The following FAT3 variants were observed in gnomAD, a reference collection of about 807,000 sequenced individuals.
FAT3 encodes the protein protocadherin Fat 3.
In FAT3, 95 loss-of-function variants were observed where a neutral mutation model predicts 310.2. The observed-to-expected ratio is 0.31, with a 90% CI of 0.26 to 0.36. The LOEUF (loss-of-function observed/expected upper bound fraction) is 0.36. FAT3 is among the 10% of genes least tolerant of loss of function. The pLI is 1.00. For missense variants in FAT3, 5,408 were observed against 5,715.6 expected (o/e 0.95, Z 1.74); for synonymous variants, 2,314 against 2,192.9 (o/e 1.06, Z -1.54).
rs1949952655 is a variant in FAT3 at position 92,893,152 on chromosome 11, T to C, written c.*2039T>C. ...TTTTATGAGTCAGTGTTTCTGAATG[T>C]TTATGCAAAAAAAAAAATCCTTTTT... On this transcript the variant is annotated 3_prime_UTR_variant, in exon 28 of 28. Transcript: ENST00000525166. 1 of 148,918 alleles carries C rather than the reference T, an allele frequency of 6.7e-6. No homozygotes were observed. Among genetic ancestry groups the C allele is most frequent in the South Asian group, 2.1e-4 (1 of 4,670 alleles). 9.2% of individuals were successfully genotyped at this position (148,918 alleles called of 1,614,324 possible). A position where few individuals can be genotyped will look rare whatever the true frequency, so the allele number is the denominator to read the frequency against.
chr11:92,498,170 C>A, intron 2 of FAT3: 1 of 157,190 alleles, frequency 6.4e-6, no homozygotes, highest in South Asian at 1.7e-4. Flanking sequence ...GCTGGTGATC[C>A]ATATCCATCA....
At chr11:92,624,429 G>A (rs1460512835) in intron 3 of FAT3, among the ~76,000 whole-genome samples, 1 of 152,150 alleles carries the variant, frequency 6.6e-6, no homozygotes, top group African/African-American at 2.4e-5. Flanking sequence ...GGCATGTTTA[G>A]ACTAAGGACA....
intron 1 of FAT3, among the ~76,000 whole-genome samples, chr11:92,333,251 T>C (rs780004577): frequency 5.3e-5 from 8 of 152,194 alleles, no homozygotes; most frequent in Non-Finnish European, 8.8e-5. Context: ...TGTGGAATCA[T>C]GTTAATGGTA....
At chr11:92,686,861 T>A (rs1395567769) in intron 3 of FAT3, among the ~76,000 whole-genome samples, 1 of 152,198 alleles carries the variant, frequency 6.6e-6, no homozygotes, top group Non-Finnish European at 1.5e-5. Flanking sequence ...CCTGATTTTA[T>A]CTGTCAGATG....
chr11:92,377,889 G>A (rs1949388415), intron 2 of FAT3, among the ~76,000 whole-genome samples: 2 of 152,134 alleles, frequency 1.3e-5, no homozygotes, highest in Non-Finnish European at 2.9e-5. Flanking sequence ...CGTTTTCTGG[G>A]CATCAGCTTT....
At chr11:92,532,089 A>G (rs1954097682) in intron 3 of FAT3, among the ~76,000 whole-genome samples, 2 of 152,164 alleles carry the variant, frequency 1.3e-5, no homozygotes, top group African/African-American at 4.8e-5. Flanking sequence ...GCAAAATGAA[A>G]TGACTGACAA....
chr11:92,504,858 G>A (rs752583039), intron 2 of FAT3, among the ~76,000 whole-genome samples: 1 of 151,878 alleles, frequency 6.6e-6, no homozygotes, highest in Non-Finnish European at 1.5e-5. Context: ...ATAGAAAACT[G>A]CAGAATTGTG....
At chr11:92,400,073 G>C (rs1565286506) in intron 2 of FAT3, 1 of 152,160 alleles carries the variant, frequency 6.6e-6, no homozygotes, top group Non-Finnish European at 1.5e-5. Flanking sequence ...TGTCAGGAAG[G>C]GAAAATACAC....
intron 3 of FAT3, among the ~76,000 whole-genome samples, chr11:92,655,344 T>C (rs1392692371): frequency 1.3e-5 from 2 of 152,204 alleles, no homozygotes; most frequent in Non-Finnish European, 2.9e-5. Flanking sequence ...TTTTTGGCAT[T>C]GTGAGGACAA....
chr11:92,503,215 A>G (rs754753854), intron 2 of FAT3, among the ~76,000 whole-genome samples: 1 of 152,150 alleles, frequency 6.6e-6, no homozygotes, highest in Non-Finnish European at 1.5e-5. Flanking sequence ...GTGTCCATAG[A>G]TTTTGGAAAA....
chr11:92,831,691 C>T lies in FAT3; in HGVS notation c.9551C>T (p.Ser3184Phe). Residue 3184 changes from serine to phenylalanine, a missense_variant, in exon 14 of 28, where the codon TCT (serine) becomes TTT (phenylalanine). By Grantham distance (155) the Ser-to-Phe change is radical (BLOSUM62 -2). Around this residue, in one of 5 missense-constraint regions of FAT3, gnomAD observed 4,588 missense variants for 4,809.8 expected, o/e 0.95. Coordinates refer to ENST00000525166, the MANE Select transcript of FAT3 (RefSeq NM_001367949.2). ...GGGGTCTTCTCCATTGACAGCTCATCTGGCATCATCATCCTGGAGCAGCCA... is the reference window on the plus strand; with the variant it reads ...GGGGTCTTCTCCATTGACAGCTCATTTGGCATCATCATCCTGGAGCAGCCA... ...AGGVFSIDSS[S>F]GIIILEQPLD... is the part of the protein sequence containing the mutation. 1 of 1,613,584 alleles carries T rather than the reference C, an allele frequency of 6.2e-7. No individual in the cohort carries two copies. Among genetic ancestry groups the T allele is most frequent in the Non-Finnish European group, 8.5e-7 (1 of 1,179,782 alleles).
chr11:92,807,975 T>G (rs1473785637), intron 12 of FAT3, among the ~76,000 whole-genome samples: 1 of 152,118 alleles, frequency 6.6e-6, no homozygotes, highest in Non-Finnish European at 1.5e-5. Context: ...GACTATTGAG[T>G]CTCCAGAAAG....
At chr11:92,428,537 TC>T in intron 2 of FAT3, among the ~76,000 whole-genome samples, 1 of 152,352 alleles carries the variant, frequency 6.6e-6, no homozygotes, top group Non-Finnish European at 1.5e-5. Context: ...TAAATTTCCC[TC>T]TAAACACTGC....
chr11:92,795,907 C>CA lies in FAT3; in HGVS notation c.4823-1920dup, dbSNP rs543143724. 4.9e-3 allele frequency among the ~76,000 whole-genome samples: 730 copies of CA among 149,612 alleles called. 5 individuals carry two copies. Among genetic ancestry groups the CA allele is most frequent in the African/African-American group, 0.016 (650 of 40,754 alleles). ...TGGATGACAGAGCGAGACTCCATCTCAAAAAAAAACAAAAAATTATATTTG... is the reference window on the plus strand; with the variant it reads ...TGGATGACAGAGCGAGACTCCATCTCAAAAAAAAAACAAAAAATTATATTTG... On this transcript the variant is annotated intron_variant, in intron 9 of 27. Coordinates refer to ENST00000525166, the MANE Select transcript of FAT3 (RefSeq NM_001367949.2).
At chr11:92,387,432 G>A (rs1949650839) in intron 2 of FAT3, among the ~76,000 whole-genome samples, 1 of 152,056 alleles carries the variant, frequency 6.6e-6, no homozygotes, top group Admixed American at 6.6e-5. Flanking sequence ...AAAAGGTGGT[G>A]GGATAGACTG....
chr11:92,342,532 G>A (rs1948290444), intron 1 of FAT3, among the ~76,000 whole-genome samples: 1 of 152,176 alleles, frequency 6.6e-6, no homozygotes, highest in Non-Finnish European at 1.5e-5. Flanking sequence ...TGGCAGAGCA[G>A]TAAAAATCCA....
At chr11:92,276,924 T>C (rs1371781154) in intron 1 of FAT3, among the ~76,000 whole-genome samples, 1 of 152,158 alleles carries the variant, frequency 6.6e-6, no homozygotes, top group Non-Finnish European at 1.5e-5. Flanking sequence ...CCCATTTACG[T>C]TCCTTTCTGG....
At chr11:92,271,424 T>A (rs1270253416) in intron 1 of FAT3, among the ~76,000 whole-genome samples, 1 of 152,170 alleles carries the variant, frequency 6.6e-6, no homozygotes, top group Non-Finnish European at 1.5e-5. Context: ...CCACCTTAGC[T>A]AATGCTGTCC....
At chr11:92,558,319 C>T (rs1414666554) in intron 3 of FAT3, among the ~76,000 whole-genome samples, 1 of 151,900 alleles carries the variant, frequency 6.6e-6, no homozygotes, top group Non-Finnish European at 1.5e-5. Flanking sequence ...CTTAAACTAG[C>T]ATTCAATTAC....
Sources: allele counts gnomAD v4.1 joint callset (sites outside exome capture counted in the v4.1 genomes callset), GRCh38; gene constraint gnomAD v4.1.1; regional missense constraint gnomAD v4.1.1; transcripts MANE v1.5; gene names NCBI Gene and HGNC (gene_info 2026-07-23, HGNC 2026-07-21).